GALNT17: variants seen among roughly 807,000 people sequenced by gnomAD.
GALNT17 encodes UDP-GalNAc:polypeptide N-acetylgalactosaminyltransferase-like 3.
A neutral mutation model predicts 63.7 loss-of-function variants in GALNT17; 29 were observed. The ratio of observed to expected loss-of-function variants is 0.46; its 90% CI spans 0.34 to 0.62. The LOEUF is 0.62. Among genes scored for constraint, GALNT17 ranks in the 20% least tolerant of loss-of-function variants. The pLI, the probability that GALNT17 is intolerant of heterozygous loss-of-function variation, is 0.01. For missense variants in GALNT17, 603 were observed against 799.6 expected (o/e 0.75, Z 2.97); for synonymous variants, 305 against 318.3 (o/e 0.96, Z 0.45).
At chr7:71,427,843 A>G (rs1048301446) in intron 5 of GALNT17, among the ~76,000 whole-genome samples, 1 of 152,076 alleles carries the variant, frequency 6.6e-6, no homozygotes, top group African/African-American at 2.4e-5. Flanking sequence ...TTCGATTCTC[A>G]TAGGAGCACA....
chr7:71,425,342 C>T (rs1786739968), intron 5 of GALNT17, among the ~76,000 whole-genome samples: 1 of 152,100 alleles, frequency 6.6e-6, no homozygotes, highest in African/African-American at 2.4e-5. Flanking sequence ...TCTGCTTCAG[C>T]CTCCTGAGTA....
intron 9 of GALNT17, among the ~76,000 whole-genome samples, chr7:71,691,771 G>A (rs1378853406): frequency 6.6e-6 from 1 of 152,178 alleles, no homozygotes; most frequent in East Asian, 1.9e-4. Context: ...CATGTCACCA[G>A]CTGAGCCTTT....
intron 5 of GALNT17, among the ~76,000 whole-genome samples, chr7:71,474,339 A>G (rs1258203147): frequency 6.6e-6 from 1 of 152,102 alleles, no homozygotes; most frequent in East Asian, 1.9e-4. Flanking sequence ...CTCACCTCCC[A>G]TCTCATCCTG....
intron 1 of GALNT17, among the ~76,000 whole-genome samples, chr7:71,292,666 A>AGTGTGT (rs748111147): frequency 1.7e-4 from 20 of 117,084 alleles, no homozygotes; most frequent in East Asian, 1.7e-3. Flanking sequence ...AGAGAGAGAG[A>AGTGTGT]GAGTGTGTGT....
intron 6 of GALNT17, among the ~76,000 whole-genome samples, chr7:71,659,243 G>A: frequency 6.6e-6 from 1 of 152,126 alleles, no homozygotes; most frequent in East Asian, 1.9e-4. Flanking sequence ...TCAGCTCTTT[G>A]AATATCCTCT....
chr7:71,389,175 C>T (rs1017390657), intron 3 of GALNT17, among the ~76,000 whole-genome samples: 18 of 151,928 alleles, frequency 1.2e-4, no homozygotes, highest in Non-Finnish European at 8.8e-5. Context: ...GCTCCATCAC[C>T]CAGGCTGGAG....
chr7:71,384,531 T>G (rs1352108441), intron 2 of GALNT17, among the ~76,000 whole-genome samples: 2 of 152,162 alleles, frequency 1.3e-5, no homozygotes, highest in Non-Finnish European at 2.9e-5. Context: ...TCTGAGAGTT[T>G]GAGGGTAGTA....
At chr7:71,242,841 C>A (rs1790024215) in intron 1 of GALNT17, among the ~76,000 whole-genome samples, 1 of 152,220 alleles carries the variant, frequency 6.6e-6, no homozygotes, top group Non-Finnish European at 1.5e-5. Context: ...CCTTTTATGT[C>A]TCCCAGGGTG....
intron 5 of GALNT17, among the ~76,000 whole-genome samples, chr7:71,446,883 T>C (rs574488135): frequency 6.6e-6 from 1 of 152,328 alleles, no homozygotes; most frequent in East Asian, 1.9e-4. Flanking sequence ...TTTACCTCTA[T>C]ATCTCTAAAT....
At chr7:71,639,148 C>T (rs1177166114) in intron 6 of GALNT17, among the ~76,000 whole-genome samples, 1 of 152,114 alleles carries the variant, frequency 6.6e-6, no homozygotes, top group African/African-American at 2.4e-5. Context: ...CCCCATTCTC[C>T]ATGATGGGAT....
At chr7:71,428,916 G>A (rs971429582) in intron 5 of GALNT17, among the ~76,000 whole-genome samples, 2 of 152,178 alleles carry the variant, frequency 1.3e-5, no homozygotes, top group African/African-American at 2.4e-5. Flanking sequence ...CAGTGAGCAT[G>A]TGTCTCCACT....
intron 5 of GALNT17, among the ~76,000 whole-genome samples, chr7:71,528,878 T>C (rs1239174989): frequency 6.6e-6 from 1 of 152,194 alleles, no homozygotes; most frequent in Non-Finnish European, 1.5e-5. Flanking sequence ...CTCATACCTG[T>C]AATCCCAGCA....
chr7:71,622,551 T>G (rs541753747), intron 6 of GALNT17, among the ~76,000 whole-genome samples: 30 of 152,280 alleles, frequency 2.0e-4, no homozygotes, highest in African/African-American at 7.2e-4. Context: ...TGTCTTGGAC[T>G]CCTACCTTGC....
intron 9 of GALNT17, among the ~76,000 whole-genome samples, chr7:71,684,785 C>T (rs112241275): frequency 2.0e-3 from 300 of 152,198 alleles, no homozygotes; most frequent in African/African-American, 6.2e-3. Context: ...GCTTCAGCTT[C>T]CAGAGTAACT....
chr7:71,335,836 G>T, intron 2 of GALNT17, 103 bp downstream of exon 2: 1 of 1,067,954 alleles, frequency 9.4e-7, no homozygotes, highest in Non-Finnish European at 1.2e-6. Context: ...ACTCTTGGGG[G>T]AGTTTTTATT....
At chr7:71,366,558 C>A (rs1435276966) in intron 2 of GALNT17, among the ~76,000 whole-genome samples, 1 of 151,244 alleles carries the variant, frequency 6.6e-6, no homozygotes, top group African/African-American at 2.4e-5. Flanking sequence ...TCCAGCCTGG[C>A]GACAGAGCGA....
At chr7:71,617,301 T>C (rs1414375364) in intron 6 of GALNT17, among the ~76,000 whole-genome samples, 3 of 142,108 alleles carry the variant, frequency 2.1e-5, no homozygotes, top group Non-Finnish European at 4.7e-5. Context: ...GGTTTTTTTT[T>C]TGCAGGGGCG....
intron 6 of GALNT17, among the ~76,000 whole-genome samples, chr7:71,580,519 C>G (rs932976765): frequency 6.6e-6 from 1 of 152,034 alleles, no homozygotes; most frequent in African/African-American, 2.4e-5. Flanking sequence ...GAGGATTAGA[C>G]TTTTCTTTTT....
chr7:71,169,068 G>A (rs1401552070), intron 1 of GALNT17, among the ~76,000 whole-genome samples: 2 of 152,012 alleles, frequency 1.3e-5, no homozygotes, highest in Admixed American at 6.6e-5. Flanking sequence ...CTTGTTTTTC[G>A]TTCTGATGAT....
Sources: allele counts gnomAD v4.1 joint callset (sites outside exome capture counted in the v4.1 genomes callset), GRCh38; gene constraint gnomAD v4.1.1; transcripts MANE v1.5; gene names NCBI Gene and HGNC (gene_info 2026-07-23, HGNC 2026-07-21).